The following MOB3C variants were observed in gnomAD, a reference collection of about 807,000 sequenced individuals.
MOB3C encodes the protein MOB kinase activator 3C.
Under a neutral mutation model 19.8 loss-of-function variants are expected in MOB3C, and 17 were observed. The ratio of observed to expected loss-of-function variants is 0.86; its 90% CI spans 0.59 to 1.29. MOB3C has a LOEUF of 1.29. MOB3C is among the 50% of genes most tolerant of loss of function. The pLI is 0.00. For missense variants in MOB3C, 291 were observed against 301.9 expected (o/e 0.96, Z 0.27); for synonymous variants, 101 against 119.2 (o/e 0.85, Z 0.99).
chr1:46,609,652 G>A lies in MOB3C; in HGVS notation c.*3C>T. Reference sequence around the variant, plus strand: ...TGATGGCCAAAAAAGTCCAGACCTGGGCTCAGTGGCAGATCCGCTCTGTCA... The same window carrying A: ...TGATGGCCAAAAAAGTCCAGACCTGAGCTCAGTGGCAGATCCGCTCTGTCA... On this transcript the variant is annotated 3_prime_UTR_variant, in exon 4 of 4. Transcript: ENST00000319928. The A allele has an allele frequency of 1.9e-6, 3 of 1,614,116 alleles. No individual in the cohort carries two copies. The highest frequency in any genetic ancestry group is 2.5e-6 in the Non-Finnish European group (3 of 1,180,026).
chr1:46,609,902 C>G, intron 3 of MOB3C, 100 bp downstream of exon 3: 1 of 1,386,948 alleles, frequency 7.2e-7, no homozygotes, highest in Non-Finnish European at 1.0e-6. Context: ...TCCCCTAATT[C>G]ATCTACTTGG....
intron 2 of MOB3C, among the ~76,000 whole-genome samples, 163 bp from the exon 3 acceptor site, chr1:46,610,367 T>G (rs1385664704): frequency 6.6e-6 from 1 of 152,200 alleles, no homozygotes; most frequent in African/African-American, 2.4e-5. Context: ...TCTCCCATAC[T>G]TTTCTTTCTT....
intron 2 of MOB3C, among the ~76,000 whole-genome samples, chr1:46,612,348 G>A (rs907984038): frequency 6.6e-6 from 1 of 152,196 alleles, no homozygotes; most frequent in Non-Finnish European, 1.5e-5. Context: ...GTTCTGGAAG[G>A]TTCTGAGAAT....
Position 46,613,082 on chromosome 1 carries a change from C to G in MOB3C, c.240G>C (p.Glu80Asp). The G allele has an allele frequency of 6.2e-7, 1 of 1,614,214 alleles. No individual in the cohort carries two copies. The highest frequency in any genetic ancestry group is 8.5e-7 in the Non-Finnish European group (1 of 1,180,018). Reference protein sequence around the residue: ...RINLIYGTMAERCSETSCPVM... With the variant: ...RINLIYGTMADRCSETSCPVM... ...CCGGGCAGCTGGTCTCACTGCAGCG[C>G]TCCGCCATAGTGCCGTAGATGAGGT... Residue 80 changes from glutamate to aspartate, a missense_variant, in exon 2 of 4, where the codon GAG becomes GAC. Transcript: ENST00000319928.
rs773652024 is a variant in MOB3C at position 46,610,170 on chromosome 1, G to C, written c.453C>G (p.Cys151Trp). The C allele has an allele frequency of 6.2e-7, 1 of 1,614,012 alleles. No homozygotes were observed. Among genetic ancestry groups the C allele is most frequent in the East Asian group, 2.2e-5 (1 of 44,896 alleles). Reference sequence around the variant, plus strand: ...GGAAGAGGCGGGTCAGGATCTTGGTGCAGACCTGCTGGAAGTTCTTAGGGA... The same window carrying C: ...GGAAGAGGCGGGTCAGGATCTTGGTCCAGACCTGCTGGAAGTTCTTAGGGA... ...VPFPKNFQQV[C>W]TKILTRLFRV... The change falls in exon 3 of 4, where the codon TGC becomes TGG. Residue 151 changes from cysteine to tryptophan, a missense_variant. By Grantham distance (215) the Cys-to-Trp change is radical. Coordinates refer to ENST00000319928, the MANE Select transcript of MOB3C (RefSeq NM_201403.3).
Position 46,613,189 on chromosome 1 carries a change from G to C in MOB3C, c.133C>G (p.Arg45Gly). The change falls in exon 2 of 4, where the codon CGC (arginine) becomes GGC (glycine). Residue 45 changes from arginine (R) to glycine (G), a missense_variant. Transcript: ENST00000319928. Reference protein sequence around the residue: ...QASLKSGLDLRSVVRLPPGEN... With the variant: ...QASLKSGLDLGSVVRLPPGEN... ...CCGGGTGGTAGCCTCACCACACTGC[G>C]CAGGTCCAGGCCCGACTTGAGAGAG... The C allele has an allele frequency of 3.1e-6, 5 of 1,614,230 alleles. No homozygotes were observed. The highest frequency in any genetic ancestry group is 3.4e-6 in the Non-Finnish European group (4 of 1,180,038).
rs1675472274 is a variant in MOB3C, at chr1:46,611,725, G to C, written c.418+1179C>G. 6.6e-6 allele frequency among the ~76,000 whole-genome samples: 1 copy of C among 152,168 alleles called. No individual in the cohort carries two copies. The highest frequency in any genetic ancestry group is 2.4e-5 in the African/African-American group (1 of 41,440). Reference sequence around the variant, plus strand: ...TGGGCTCCCACAGATCTGAGCCCCAGTTCGGAATTCCTCCCAGTTCAGTGC... The same window carrying C: ...TGGGCTCCCACAGATCTGAGCCCCACTTCGGAATTCCTCCCAGTTCAGTGC... On this transcript the variant is annotated intron_variant, in intron 2 of 3. Coordinates refer to ENST00000319928, the MANE Select transcript of MOB3C (RefSeq NM_201403.3). This position sits in a 1 kb window ranked among gnomAD's most constrained non-coding sequence, Gnocchi z 4.1.
At chr1:46,614,066 C>T (rs1675522900) in intron 1 of MOB3C, 1 of 152,356 alleles carries the variant, frequency 6.6e-6, no homozygotes, top group Admixed American at 6.5e-5. Flanking sequence ...AAGCCAGCCT[C>T]CTCCAGCCCC....
chr1:46,613,162 C>T lies in MOB3C; in HGVS notation c.160G>A (p.Glu54Lys). 6.2e-7 allele frequency: 1 copy of T among 1,614,260 alleles called. No individual in the cohort carries two copies. The highest frequency in any genetic ancestry group is 8.5e-7 in the Non-Finnish European group (1 of 1,180,042). ...ACGGCGATCCAGTCGTCGATGTTCT[C>T]CCCGGGTGGTAGCCTCACCACACTG... ...LRSVVRLPPG[E>K]NIDDWIAVHV... The change falls in exon 2 of 4, where the codon GAG (glutamate) becomes AAG (lysine). Residue 54 changes from glutamate (E) to lysine (K), a missense_variant. Physicochemically the swap from Glu to Lys is moderately conservative, Grantham distance 56. Transcript: ENST00000319928.
intron 1 of MOB3C, chr1:46,615,319 A>G (rs978269931): frequency 1.2e-5 from 6 of 488,526 alleles, no homozygotes; most frequent in African/African-American, 1.2e-4. Context: ...TTGCCTCTGC[A>G]TGTTTTCTTA....
chr1:46,613,412 C>T (rs1675508580), intron 1 of MOB3C, 41 bp from the exon 2 acceptor site: 1 of 1,526,480 alleles, frequency 6.6e-7, no homozygotes, highest in East Asian at 2.3e-5. Context: ...CGGTCAAGGC[C>T]TTATCATCTG....
chr1:46,615,289 C>T, intron 1 of MOB3C: 2 of 545,110 alleles, frequency 3.7e-6, no homozygotes, highest in Admixed American at 3.1e-5. Context: ...TTCCTGATTC[C>T]TGAACACGCC....
chr1:46,612,994 C>T lies in MOB3C; in HGVS notation c.328G>A (p.Ala110Thr), dbSNP rs750312246. Residue 110 changes from alanine to threonine, a missense_variant, in exon 2 of 4, where the codon GCC becomes ACC. By Grantham distance (58) the Ala-to-Thr change is moderately conservative. Coordinates refer to ENST00000319928, the MANE Select transcript of MOB3C (RefSeq NM_201403.3). ...WQDERQYRRP[A>T]KLSAPRYMAL... ...ATATAGCGCGGCGCAGAGAGCTTGG[C>T]GGGCCGCCGGTACTGGCGCTCGTCC... is the stretch of plus-strand genomic sequence containing the variant. The T allele has an allele frequency of 6.2e-7, 1 of 1,611,618 alleles. No homozygotes were observed. Among genetic ancestry groups the T allele is most frequent in the Non-Finnish European group, 8.5e-7 (1 of 1,178,508 alleles).
chr1:46,613,147 A>G lies in MOB3C; in HGVS notation c.175T>C (p.Trp59Arg). The change falls in exon 2 of 4, where the codon TGG becomes CGG. Residue 59 changes from tryptophan to arginine, a missense_variant. Coordinates refer to ENST00000319928, the MANE Select transcript of MOB3C (RefSeq NM_201403.3). Reference sequence around the variant, plus strand: ...AAGTCCACCACGTGCACGGCGATCCAGTCGTCGATGTTCTCCCCGGGTGGT... The same window carrying G: ...AAGTCCACCACGTGCACGGCGATCCGGTCGTCGATGTTCTCCCCGGGTGGT... Reference protein sequence around the residue: ...RLPPGENIDDWIAVHVVDFFN... With the variant: ...RLPPGENIDDRIAVHVVDFFN... 6.2e-7 allele frequency: 1 copy of G among 1,614,270 alleles called. No homozygotes were observed. Among genetic ancestry groups the G allele is most frequent in the Non-Finnish European group, 8.5e-7 (1 of 1,180,048 alleles).
At chr1:46,615,019 A>G (rs754838521) in intron 1 of MOB3C, 2 of 1,613,080 alleles carry the variant, frequency 1.2e-6, no homozygotes, top group African/African-American at 2.7e-5. Flanking sequence ...CTTCTCACCC[A>G]AAGAAGTCCC....
intron 2 of MOB3C, among the ~76,000 whole-genome samples, chr1:46,610,726 C>T (rs1675449233): frequency 6.6e-6 from 1 of 152,194 alleles, no homozygotes; most frequent in Admixed American, 6.5e-5. Flanking sequence ...GTGGCTCTCC[C>T]CTGCTGGAAT....
rs1468997460 is a variant in MOB3C, at chr1:46,608,938, C to T, written c.*717G>A. The T allele has an allele frequency of 1.3e-5, 2 of 152,976 alleles. No individual in the cohort carries two copies. Among genetic ancestry groups the T allele is most frequent in the East Asian group, 3.8e-4 (2 of 5,202 alleles). 9.5% of individuals were successfully genotyped at this position (152,976 alleles called of 1,614,324 possible). ...CGGTTTAGGAACTCAAGGCAAGGCT[C>T]CTCTTCCTACGTTCCCCCAGCTCTC... is the stretch of plus-strand genomic sequence containing the variant. On this transcript the variant is annotated 3_prime_UTR_variant, in exon 4 of 4. Transcript: ENST00000319928. This position sits in a 1 kb window ranked among gnomAD's most constrained non-coding sequence, Gnocchi z 4.5.
intron 1 of MOB3C, 93 bp from the exon 2 acceptor site, chr1:46,613,464 G>T: frequency 1.6e-6 from 2 of 1,252,024 alleles, no homozygotes; most frequent in Non-Finnish European, 2.2e-6. Context: ...TCACCTCTCA[G>T]CCTTTGCTCA....
chr1:46,609,791 C>T, intron 3 of MOB3C, 107 bp from the exon 4 acceptor site: 1 of 1,451,138 alleles, frequency 6.9e-7, no homozygotes. Context: ...CTGGCCTTCC[C>T]CCAGCAACCC....
Sources: gnomAD v4.1 joint callset for allele counts (sites outside exome capture counted in the v4.1 genomes callset) on GRCh38, gnomAD v4.1.1 for gene constraint, Gnocchi (gnomAD v3.1) non-coding constraint, MANE v1.5 for transcripts, NCBI Gene and HGNC (gene_info 2026-07-23, HGNC 2026-07-21) for gene names.